ZNF25: variants seen among roughly 807,000 people sequenced by gnomAD.
ZNF25 encodes the protein zinc finger protein 25 (KOX 19).
A neutral mutation model predicts 30.9 loss-of-function variants in ZNF25; 21 were observed. That is an observed-to-expected ratio of 0.68 (90% CI 0.48 to 0.98). ZNF25 has a LOEUF of 0.98. Among genes scored for constraint, ZNF25 ranks in the 50% least tolerant of loss-of-function variants. The pLI, the probability that ZNF25 is intolerant of heterozygous loss-of-function variation, is 0.00. For missense variants in ZNF25, 501 were observed against 529.9 expected (o/e 0.95, Z 0.54); for synonymous variants, 169 against 181.3 (o/e 0.93, Z 0.55).
chr10:37,954,551 A>T (rs938599140), intron 4 of ZNF25, among the ~76,000 whole-genome samples: 8 of 152,158 alleles, frequency 5.3e-5, no homozygotes, highest in African/African-American at 1.9e-4. Context: ...CATCCTGACC[A>T]TCAAATCCTG....
intron 1 of ZNF25, among the ~76,000 whole-genome samples, chr10:37,974,129 T>C (rs1381342931): frequency 2.6e-5 from 4 of 152,136 alleles, no homozygotes; most frequent in African/African-American, 7.2e-5. Flanking sequence ...AATCAAATGA[T>C]AGTGGATTAA....
intron 2 of ZNF25, among the ~76,000 whole-genome samples, chr10:37,962,662 C>T (rs2062954227): frequency 6.6e-6 from 1 of 151,934 alleles, no homozygotes; most frequent in Admixed American, 6.6e-5. Context: ...GCTGATAAAC[C>T]TATATCCAGA....
At chr10:37,972,678 C>T (rs1485277043) in intron 1 of ZNF25, among the ~76,000 whole-genome samples, 4 of 152,244 alleles carry the variant, frequency 2.6e-5, no homozygotes, top group Admixed American at 1.3e-4. Flanking sequence ...AAGGCAACTA[C>T]GTCATAATCC....
At position 37,950,506 on chromosome 10, in the gene ZNF25, A is replaced by C. The variant is rs1462106211; in HGVS notation, c.*1621T>G. The C allele has an allele frequency of 6.6e-6, 1 of 152,602 alleles. No individual in the cohort carries two copies. Among genetic ancestry groups the C allele is most frequent in the Non-Finnish European group, 1.5e-5 (1 of 68,036 alleles). 9.5% of individuals were successfully genotyped at this position (152,602 alleles called of 1,614,324 possible). On this transcript the variant is annotated 3_prime_UTR_variant, in exon 6 of 6. Transcript: ENST00000302609. The stretch of plus-strand genomic sequence containing the variant: ...ACTTGTAGGAAAACAAACAAACAAC[A>C]AACAACCAAATCAAGGCACTGGCAG...
intron 2 of ZNF25, 79 bp from the exon 3 acceptor site, chr10:37,957,625 T>C: frequency 6.8e-7 from 1 of 1,465,730 alleles, no homozygotes; most frequent in Non-Finnish European, 9.1e-7. Flanking sequence ...GAACTAGCTC[T>C]TAGTGTACTA....
At chr10:37,953,817 C>A in intron 4 of ZNF25, 59 bp from the exon 5 acceptor site, 1 of 1,456,906 alleles carries the variant, frequency 6.9e-7, no homozygotes, top group Non-Finnish European at 9.6e-7. Context: ...ATTGTCATAG[C>A]ATTGATTCTT....
intron 3 of ZNF25, 115 bp from the exon 4 acceptor site, chr10:37,957,230 AT>A: frequency 1.5e-6 from 2 of 1,313,700 alleles, no homozygotes; most frequent in Non-Finnish European, 2.1e-6. Flanking sequence ...GGCTTGGCAA[AT>A]TTAGATTCTT....
chr10:37,958,808 G>A (rs2738185), intron 2 of ZNF25, among the ~76,000 whole-genome samples: 115,985 of 152,078 alleles, frequency 0.76, 44,387 homozygotes, highest in South Asian at 0.87. Flanking sequence ...ACCACTTTTG[G>A]AGGCCGAAGC....
chr10:37,956,932 A>AAG, intron 4 of ZNF25, 88 bp downstream of exon 4: 1 of 964,864 alleles, frequency 1.0e-6, no homozygotes, highest in Non-Finnish European at 1.5e-6. Context: ...AAAAAAAAAA[A>AAG]AAGTGAGAGA....
At chr10:37,974,566 A>G (rs550457988) in intron 1 of ZNF25, among the ~76,000 whole-genome samples, 4 of 152,332 alleles carry the variant, frequency 2.6e-5, no homozygotes, top group South Asian at 4.1e-4. Flanking sequence ...CCATAATGGG[A>G]TATCATTTTA....
intron 1 of ZNF25, among the ~76,000 whole-genome samples, chr10:37,972,009 A>G (rs2063519324): frequency 6.6e-6 from 1 of 152,246 alleles, no homozygotes; most frequent in Non-Finnish European, 1.5e-5. Context: ...TTTGAAAATT[A>G]TGTTTCTGTT....
At chr10:37,961,613 T>C (rs1263801914) in intron 2 of ZNF25, among the ~76,000 whole-genome samples, 4 of 152,064 alleles carry the variant, frequency 2.6e-5, no homozygotes, top group Admixed American at 6.6e-5. Flanking sequence ...AAAAATCACA[T>C]GGCAAATCAG....
At chr10:37,971,660 C>A (rs201761252) in intron 2 of ZNF25, 48 bp downstream of exon 2, 94 of 1,611,518 alleles carry the variant, frequency 5.8e-5, no homozygotes, top group Non-Finnish European at 7.0e-5. Context: ...CACACACACA[C>A]ACACACACAC....
Position 37,959,604 on chromosome 10 carries a change from CA to C in ZNF25, c.16-2059del, listed in dbSNP as rs1333919510. ...CTTGGCTGGATATAAATTCTTGGTT[CA>C]TTTTTTTTTTCTTTTTTCTTTTGAG... is the stretch of plus-strand genomic sequence containing the variant. On this transcript the variant is annotated intron_variant, in intron 2 of 5. Transcript: ENST00000302609. Among the ~76,000 whole-genome samples the C allele has an allele frequency of 4.6e-5, 7 of 151,862 alleles. No individual in the cohort carries two copies. The East Asian group carries it at 1.2e-3, about 25-fold the overall frequency.
rs2063449540 is a variant in ZNF25, at chr10:37,970,843, T to TAGAG, written c.15+864_15+865insCTCT. 5.3e-5 allele frequency among the ~76,000 whole-genome samples: 8 copies of TAGAG among 152,284 alleles called. No homozygotes were observed. In the South Asian group the frequency reaches 1.7e-3, roughly 32 times the overall value. On this transcript the variant is annotated intron_variant, in intron 2 of 5. Coordinates refer to ENST00000302609, the MANE Select transcript of ZNF25 (RefSeq NM_145011.4). Reference sequence around the variant, plus strand: ...TCAGATTTCTACTTGGCTCTCTCTCTAATTCAGGACTTTCCTCAAACATTA... The same window carrying TAGAG: ...TCAGATTTCTACTTGGCTCTCTCTCTAGAGAATTCAGGACTTTCCTCAAACATTA...
intron 2 of ZNF25, among the ~76,000 whole-genome samples, chr10:37,965,150 T>G (rs2063111057): frequency 1.3e-5 from 2 of 152,118 alleles, no homozygotes; most frequent in Admixed American, 1.3e-4. Flanking sequence ...AGCTTCCCCC[T>G]AGATTTCAGA....
chr10:37,970,278 A>G (rs2063413560), intron 2 of ZNF25, among the ~76,000 whole-genome samples: 1 of 152,176 alleles, frequency 6.6e-6, no homozygotes, highest in Admixed American at 6.5e-5. Flanking sequence ...ATATAAACAC[A>G]TTGTGACCAA....
chr10:37,963,397 T>C (rs1339851418), intron 2 of ZNF25, among the ~76,000 whole-genome samples: 1 of 152,136 alleles, frequency 6.6e-6, no homozygotes, highest in Non-Finnish European at 1.5e-5. Flanking sequence ...GCTGGGATTA[T>C]AGGCGAGAGC....
chr10:37,961,784 G>C (rs1230249655), intron 2 of ZNF25, among the ~76,000 whole-genome samples: 1 of 151,892 alleles, frequency 6.6e-6, no homozygotes, highest in Non-Finnish European at 1.5e-5. Context: ...AGCCAGGCGT[G>C]GTGGCTCATG....
Sources: allele counts gnomAD v4.1 joint callset (sites outside exome capture counted in the v4.1 genomes callset), GRCh38; gene constraint gnomAD v4.1.1; transcripts MANE v1.5; gene names NCBI Gene and HGNC (gene_info 2026-07-23, HGNC 2026-07-21).